The following NPAS2 variants were observed in gnomAD, a reference collection of about 807,000 sequenced individuals.
NPAS2 encodes neuronal PAS domain protein 2.
A neutral mutation model predicts 107.5 loss-of-function variants in NPAS2; 23 were observed. The observed-to-expected ratio is 0.21, with a 90% confidence interval of 0.15 to 0.30. The LOEUF (loss-of-function observed/expected upper bound fraction) is 0.30, where lower values mean the gene tolerates loss of function less well. Ranked by LOEUF, NPAS2 falls within the 10% of genes least tolerant of loss-of-function variation. The pLI is 1.00. For synonymous variants in NPAS2, 403 were observed against 417.5 expected (o/e 0.97, Z 0.42); for missense variants, 756 against 1,043.3 (o/e 0.72, Z 3.79).
rs1219102359 is a variant in NPAS2, at chr2:100,990,283, C to T, written c.1855C>T (p.Leu619=). The T allele has an allele frequency of 1.9e-6, 3 of 1,614,142 alleles. No homozygotes were observed. Among genetic ancestry groups the T allele is most frequent in the Non-Finnish European group, 2.5e-6 (3 of 1,180,014 alleles). ...TCCAAAGCCAATGAGAAGCTCACAG[C>T]TAATGCAGAGCAGCGGCCGCTCTGG... ...QGPKPMRSSQ[L]MQSSGRSGSS... The change falls in exon 18 of 21, where the codon CTA becomes TTA. Residue 619 remains leucine (L), a synonymous_variant. Coordinates refer to ENST00000335681, the MANE Select transcript of NPAS2 (RefSeq NM_002518.4).
intron 1 of NPAS2, among the ~76,000 whole-genome samples, chr2:100,844,155 T>G (rs1177553435): frequency 6.6e-6 from 1 of 152,144 alleles, no homozygotes; most frequent in Non-Finnish European, 1.5e-5. Flanking sequence ...AGGGTTTGTG[T>G]CATCATCCCC....
intron 1 of NPAS2, among the ~76,000 whole-genome samples, chr2:100,842,081 G>GCGCGCACACACA: frequency 6.7e-6 from 1 of 148,798 alleles, no homozygotes; most frequent in African/African-American, 2.5e-5. Flanking sequence ...GCATGTACGC[G>GCGCGCACACACA]CACACACACA....
At chr2:100,855,458 T>C (rs1469995600) in intron 1 of NPAS2, among the ~76,000 whole-genome samples, 3 of 152,206 alleles carry the variant, frequency 2.0e-5, no homozygotes, top group Non-Finnish European at 4.4e-5. Context: ...TGGATCCTAT[T>C]TGTGAAGGTT....
intron 15 of NPAS2, among the ~76,000 whole-genome samples, chr2:100,981,235 C>G (rs1051294372): frequency 4.6e-5 from 7 of 152,234 alleles, no homozygotes; most frequent in East Asian, 1.9e-4. Context: ...TTGCAAAAGA[C>G]AGCGGGCAGG....
intron 5 of NPAS2, among the ~76,000 whole-genome samples, chr2:100,946,068 T>C (rs1221237974): frequency 1.3e-5 from 2 of 152,234 alleles, no homozygotes; most frequent in Non-Finnish European, 2.9e-5. Flanking sequence ...AGGAAAACGT[T>C]ACTGTGGTGC....
chr2:100,956,518 T>A (rs893583671), intron 7 of NPAS2, among the ~76,000 whole-genome samples: 1 of 152,248 alleles, frequency 6.6e-6, no homozygotes, highest in Non-Finnish European at 1.5e-5. Flanking sequence ...TCTAGCTGTA[T>A]CCATGTTGCC....
At chr2:100,848,409 G>T (rs1435627050) in intron 1 of NPAS2, among the ~76,000 whole-genome samples, 1 of 152,186 alleles carries the variant, frequency 6.6e-6, no homozygotes, top group African/African-American at 2.4e-5. Context: ...TCTGGATGAA[G>T]CCTTGAGTGT....
intron 1 of NPAS2, among the ~76,000 whole-genome samples, chr2:100,896,827 TC>T (rs1430603373): frequency 5.9e-5 from 9 of 151,522 alleles, no homozygotes; most frequent in African/African-American, 2.2e-4. Context: ...CCTCCCTCCC[TC>T]CCTTCCTCCC....
intron 1 of NPAS2, among the ~76,000 whole-genome samples, chr2:100,852,182 G>T (rs981253767): frequency 6.6e-6 from 1 of 152,026 alleles, no homozygotes; most frequent in Non-Finnish European, 1.5e-5. Context: ...GGATCACGAG[G>T]TCAGGAGATC....
Position 100,878,513 on chromosome 2 carries a change from G to A in NPAS2, c.-22-26220G>A, listed in dbSNP as rs1454702676. The A allele has an allele frequency of 3.0e-6, 3 of 985,268 alleles. No homozygotes were observed. The African/African-American group carries it at 5.2e-5, about 17-fold the overall frequency. The allele number at this position is 985,268 out of a possible 1,614,324, so 61.0% of individuals were successfully genotyped here. A position where few individuals can be genotyped will look rare whatever the true frequency, so the allele number is the denominator to read the frequency against. On this transcript the variant is annotated intron_variant, in intron 1 of 20. Coordinates refer to ENST00000335681, the MANE Select transcript of NPAS2 (RefSeq NM_002518.4). ...AAGAAGAAAAGGCATGGAGAGATTTGGCTACTTTGTTTGTTCTTCTAAAGG... is the reference window on the plus strand; with the variant it reads ...AAGAAGAAAAGGCATGGAGAGATTTAGCTACTTTGTTTGTTCTTCTAAAGG...
At chr2:100,977,035 C>G (rs1677060282) in intron 14 of NPAS2, 1 of 148,740 alleles carries the variant, frequency 6.7e-6, no homozygotes, top group Non-Finnish European at 1.5e-5. Flanking sequence ...TTTCACTGTT[C>G]TTTAAAAAAA....
At chr2:100,870,289 A>G (rs1389576127) in intron 1 of NPAS2, among the ~76,000 whole-genome samples, 2 of 152,220 alleles carry the variant, frequency 1.3e-5, no homozygotes, top group African/African-American at 4.8e-5. Context: ...GAGGCTGTCC[A>G]GGGTATACAC....
At chr2:100,954,859 G>A (rs12999564) in intron 7 of NPAS2, among the ~76,000 whole-genome samples, 2 of 133,432 alleles carry the variant, frequency 1.5e-5, no homozygotes, top group East Asian at 5.8e-4. Flanking sequence ...TCATTTTTTT[G>A]TTTTTTTTGT....
chr2:100,974,043 T>C (rs1167465213), intron 12 of NPAS2, among the ~76,000 whole-genome samples: 1 of 152,142 alleles, frequency 6.6e-6, no homozygotes, highest in Non-Finnish European at 1.5e-5. Context: ...TGTTTCACCA[T>C]GTTGGCCAGG....
At chr2:100,972,666 G>GT (rs1245236977) in intron 12 of NPAS2, 1 of 152,236 alleles carries the variant, frequency 6.6e-6, no homozygotes, top group Non-Finnish European at 1.5e-5. Context: ...AGCTGACATT[G>GT]TTTATTACCC....
At chr2:100,952,857 T>A (rs1675317352) in intron 7 of NPAS2, among the ~76,000 whole-genome samples, 1 of 151,740 alleles carries the variant, frequency 6.6e-6, no homozygotes, top group Non-Finnish European at 1.5e-5. Context: ...GTGAGGTTTT[T>A]TTTTTTTTTT....
intron 7 of NPAS2, among the ~76,000 whole-genome samples, chr2:100,960,171 C>T (rs1162217988): frequency 6.6e-6 from 1 of 152,104 alleles, no homozygotes; most frequent in Non-Finnish European, 1.5e-5. Context: ...CCAAGAATAC[C>T]AGCCCAAGAC....
rs1029430617 is a variant in NPAS2, at chr2:100,901,543, C to T, written c.-22-3190C>T. ...GTGTTCCCTTCTCTCTTCCCTGACG[C>T]TCCCCTGTGCAGAGGATCCTGCAGA... On this transcript the variant is annotated intron_variant, in intron 1 of 20. Coordinates refer to ENST00000335681, the MANE Select transcript of NPAS2 (RefSeq NM_002518.4). 5 of 985,208 alleles carry T rather than the reference C, an allele frequency of 5.1e-6. No individual in the cohort carries two copies. The African/African-American group carries it at 7.0e-5, about 14-fold the overall frequency. The allele number at this position is 985,208 out of a possible 1,614,324, so 61.0% of individuals were successfully genotyped here.
intron 2 of NPAS2, among the ~76,000 whole-genome samples, chr2:100,917,329 C>T (rs1682949514): frequency 6.6e-6 from 1 of 152,010 alleles, no homozygotes; most frequent in Non-Finnish European, 1.5e-5. Context: ...GAGTTCAAGA[C>T]CAGCCTGATC....
Sources: gnomAD v4.1 joint callset for allele counts (sites outside exome capture counted in the v4.1 genomes callset) on GRCh38, gnomAD v4.1.1 for gene constraint, MANE v1.5 for transcripts, NCBI Gene and HGNC (gene_info 2026-07-23, HGNC 2026-07-21) for gene names.